The following TMEM132D variants were observed in gnomAD, a reference collection of about 807,000 sequenced individuals.
The protein encoded by TMEM132D is transmembrane protein 132D.
In TMEM132D, 21 loss-of-function variants were observed where a neutral mutation model predicts 62.3. The observed-to-expected ratio is 0.34, with a 90% confidence interval of 0.24 to 0.49. The LOEUF (loss-of-function observed/expected upper bound fraction) is 0.49, where lower values mean the gene tolerates loss of function less well. TMEM132D is among the 20% of genes least tolerant of loss of function. The pLI is 0.99. For synonymous variants in TMEM132D, 621 were observed against 575.6 expected, an observed-to-expected ratio of 1.08 and a Z score of -1.13; for missense variants, 1,346 against 1,402.8, an observed-to-expected ratio of 0.96 and a Z score of 0.65.
chr12:129,465,926 A>G (rs1383372747), intron 3 of TMEM132D, among the ~76,000 whole-genome samples: 1 of 152,068 alleles, frequency 6.6e-6, no homozygotes, highest in Non-Finnish European at 1.5e-5. Flanking sequence ...CAAGTGATCC[A>G]CCTGCCTCAG....
chr12:129,815,227 TTTAGCTC>T (rs1393890403), intron 1 of TMEM132D, among the ~76,000 whole-genome samples: 1 of 152,190 alleles, frequency 6.6e-6, no homozygotes, highest in Non-Finnish European at 1.5e-5. Flanking sequence ...AAGAGAGTAA[TTTAGCTC>T]TTAGTTCTAC....
intron 4 of TMEM132D, among the ~76,000 whole-genome samples, chr12:129,268,125 C>A (rs1215156805): frequency 4.6e-5 from 7 of 152,190 alleles, no homozygotes; most frequent in Non-Finnish European, 1.0e-4. Context: ...TAGGCATGGG[C>A]AAGGACTTCA....
At chr12:129,302,139 G>A (rs55762767) in intron 4 of TMEM132D, among the ~76,000 whole-genome samples, 4,652 of 152,144 alleles carry the variant, frequency 0.031, 225 homozygotes, top group East Asian at 0.23. Context: ...ATTTTTTGAC[G>A]AAGTCTTGCT....
At chr12:129,833,320 G>T (rs1483901640) in intron 1 of TMEM132D, among the ~76,000 whole-genome samples, 1 of 152,156 alleles carries the variant, frequency 6.6e-6, no homozygotes, top group Non-Finnish European at 1.5e-5. Context: ...ATATTTCTGG[G>T]CTGGGTATGG....
chr12:129,093,183 T>A (rs984105380), intron 5 of TMEM132D, among the ~76,000 whole-genome samples: 1 of 152,140 alleles, frequency 6.6e-6, no homozygotes, highest in Admixed American at 6.5e-5. Flanking sequence ...GGATGCTCCA[T>A]GTACAGAGGG....
At chr12:129,457,570 A>C (rs1873515842) in intron 3 of TMEM132D, among the ~76,000 whole-genome samples, 1 of 151,934 alleles carries the variant, frequency 6.6e-6, no homozygotes, top group Admixed American at 6.6e-5. Flanking sequence ...GTGCACATGT[A>C]CCCTAAAACT....
chr12:129,103,317 C>T (rs1337590338), intron 5 of TMEM132D, among the ~76,000 whole-genome samples: 1 of 152,184 alleles, frequency 6.6e-6, no homozygotes, highest in African/African-American at 2.4e-5. Context: ...GGATCCAGTT[C>T]ACAGTGTCTC....
At chr12:129,484,813 A>C (rs1446628691) in intron 3 of TMEM132D, among the ~76,000 whole-genome samples, 1 of 152,264 alleles carries the variant, frequency 6.6e-6, no homozygotes, top group East Asian at 1.9e-4. Context: ...GGCGTGTATC[A>C]GAAAGAACAA....
chr12:129,713,018 G>A (rs1010256705), intron 1 of TMEM132D, among the ~76,000 whole-genome samples: 7 of 152,094 alleles, frequency 4.6e-5, no homozygotes, highest in Admixed American at 2.6e-4. Flanking sequence ...TAGCAGCCTC[G>A]TCACTCACAG....
At chr12:129,826,991 A>C (rs1051699114) in intron 1 of TMEM132D, among the ~76,000 whole-genome samples, 1 of 152,210 alleles carries the variant, frequency 6.6e-6, no homozygotes, top group African/African-American at 2.4e-5. Context: ...GAAATGCAAA[A>C]ATAAAAAGGG....
At chr12:129,901,983 C>T (rs1348790106) in intron 1 of TMEM132D, among the ~76,000 whole-genome samples, 3 of 151,998 alleles carry the variant, frequency 2.0e-5, no homozygotes, top group African/African-American at 4.8e-5. Context: ...GTTTCCTGTG[C>T]ACATTATAAA....
intron 4 of TMEM132D, among the ~76,000 whole-genome samples, chr12:129,331,210 T>C (rs1039627290): frequency 1.3e-5 from 2 of 152,210 alleles, no homozygotes; most frequent in Non-Finnish European, 2.9e-5. Context: ...GATATTGAAT[T>C]GCACTTCCTA....
chr12:129,191,654 C>A (rs1878406773), intron 5 of TMEM132D, among the ~76,000 whole-genome samples: 1 of 151,572 alleles, frequency 6.6e-6, no homozygotes, highest in Non-Finnish European at 1.5e-5. Context: ...ATATATATCT[C>A]AGTAGGAGAT....
At chr12:129,507,906 A>G (rs1034440463) in intron 3 of TMEM132D, among the ~76,000 whole-genome samples, 1 of 152,112 alleles carries the variant, frequency 6.6e-6, no homozygotes, top group Admixed American at 6.6e-5. Context: ...CATGTCTAAC[A>G]CTGTATATGT....
chr12:129,090,541 A>G (rs1419116942), intron 5 of TMEM132D, among the ~76,000 whole-genome samples: 1 of 152,068 alleles, frequency 6.6e-6, no homozygotes, highest in East Asian at 1.9e-4. Flanking sequence ...GGTGGCATGC[A>G]CCTGTAGTCC....
chr12:129,472,036 G>A (rs1874107219), intron 3 of TMEM132D, among the ~76,000 whole-genome samples: 1 of 152,264 alleles, frequency 6.6e-6, no homozygotes, highest in African/African-American at 2.4e-5. Context: ...AGCAGCAAGT[G>A]CTGATGGAGA....
chr12:129,386,390 C>G (rs143733711), intron 3 of TMEM132D, among the ~76,000 whole-genome samples: 1 of 152,092 alleles, frequency 6.6e-6, no homozygotes, highest in African/African-American at 2.4e-5. Flanking sequence ...AATGCTAACG[C>G]TATCACTAAT....
intron 2 of TMEM132D, among the ~76,000 whole-genome samples, chr12:129,623,698 T>TATATACATCC (rs1879136613): frequency 7.0e-6 from 1 of 143,590 alleles, no homozygotes; most frequent in African/African-American, 2.7e-5. Context: ...TATATACATA[T>TATATACATCC]ATATACATAC....
chr12:129,475,052 G>C (rs1874217780), intron 3 of TMEM132D, among the ~76,000 whole-genome samples: 1 of 152,154 alleles, frequency 6.6e-6, no homozygotes. Context: ...AACTTTGAAG[G>C]GGTTAACAGA....
Sources: gnomAD v4.1 joint callset for allele counts (sites outside exome capture counted in the v4.1 genomes callset) on GRCh38, gnomAD v4.1.1 for gene constraint, MANE v1.5 for transcripts, NCBI Gene and HGNC (gene_info 2026-07-23, HGNC 2026-07-21) for gene names.